The following GPC3 variants were observed in gnomAD, a reference collection of about 807,000 sequenced individuals.
The protein encoded by GPC3 is glypican 3, also known as glypican-3.
In GPC3, 3 loss-of-function variants were observed where a neutral mutation model predicts 34.4. That is an observed-to-expected ratio of 0.09 (90% CI 0.04 to 0.23). The LOEUF is 0.23. GPC3 is among the 10% of genes least tolerant of loss of function. GPC3 has a pLI of 1.00. For synonymous variants in GPC3, 177 were observed against 174.0 expected, an observed-to-expected ratio of 1.02 and a Z score of -0.13; for missense variants, 351 against 445.6, an observed-to-expected ratio of 0.79 and a Z score of 1.91.
chrX:133,666,861 T>G (rs1477433466), intron 5 of GPC3, among the ~76,000 whole-genome samples: 5 of 112,246 alleles, frequency 4.5e-5, no homozygotes. Flanking sequence ...AGAAAAATTT[T>G]AGATGGATAT....
intron 2 of GPC3, among the ~76,000 whole-genome samples, chrX:133,857,553 T>C (rs1474060787): frequency 9.0e-6 from 1 of 111,535 alleles, no homozygotes; most frequent in African/African-American, 3.3e-5. Flanking sequence ...CACCAACACA[T>C]AGTATGATTT....
chrX:133,762,025 T>C (rs2071797119), intron 2 of GPC3, among the ~76,000 whole-genome samples: 1 of 112,109 alleles, frequency 8.9e-6, no homozygotes. Flanking sequence ...ACATTTATTA[T>C]GCACATATTT....
In GPC3 at chrX:133,840,867, C is replaced by T. The variant is rs150155368; in HGVS notation, c.338-86691G>A. Among the ~76,000 whole-genome samples, 483 of 110,794 alleles carry T rather than the reference C, an allele frequency of 4.4e-3. 3 individuals carry two copies. The highest frequency in any genetic ancestry group is 0.015 in the African/African-American group (472 of 30,497). ...TCCATCCTGATAATACCTAGGATTA[C>T]GAATCCCTTATGGCAGTATTGGGCA... On this transcript the variant is annotated intron_variant, in intron 2 of 7. Transcript: ENST00000370818.
chrX:133,630,383 TAGCA>T (rs1216114766), intron 6 of GPC3, among the ~76,000 whole-genome samples: 15 of 111,852 alleles, frequency 1.3e-4, no homozygotes, highest in Non-Finnish European at 7.5e-5. Context: ...TTAAATCTAC[TAGCA>T]AACTCTCGTT....
intron 2 of GPC3, among the ~76,000 whole-genome samples, chrX:133,913,074 T>C (rs1249894125): frequency 1.1e-5 from 1 of 95,218 alleles, no homozygotes; most frequent in Non-Finnish European, 2.1e-5. Flanking sequence ...AAAAAAAAAA[T>C]AGGACTAGGC....
chrX:133,682,489 G>A (rs779593567), intron 5 of GPC3, among the ~76,000 whole-genome samples: 2 of 111,463 alleles, frequency 1.8e-5, no homozygotes, highest in African/African-American at 6.5e-5. Context: ...CTCAACCATG[G>A]TATAATAGTA....
chrX:133,913,756 G>A (rs1475334837), intron 2 of GPC3, among the ~76,000 whole-genome samples: 1 of 111,143 alleles, frequency 9.0e-6, no homozygotes, highest in Admixed American at 9.6e-5. Context: ...CTATTCTAGG[G>A]ACTGAAGAGA....
intron 7 of GPC3, 162 bp downstream of exon 7, chrX:133,596,278 A>T (rs1178170025): frequency 4.0e-6 from 2 of 502,023 alleles, no homozygotes; most frequent in East Asian, 7.2e-5. Flanking sequence ...AGGCTACCTG[A>T]GAACTTCACT....
intron 4 of GPC3, among the ~76,000 whole-genome samples, chrX:133,693,154 CAA>C (rs1421292106): frequency 2.8e-4 from 23 of 82,163 alleles, no homozygotes; most frequent in Non-Finnish European, 4.7e-4. Flanking sequence ...TATAATAAGA[CAA>C]GTGTGTGTGT....
intron 2 of GPC3, among the ~76,000 whole-genome samples, chrX:133,906,455 T>A (rs1394767623): frequency 8.9e-6 from 1 of 112,187 alleles, no homozygotes; most frequent in East Asian, 2.8e-4. Context: ...ATGTCCAGAG[T>A]CACAGGTTAG....
intron 5 of GPC3, among the ~76,000 whole-genome samples, chrX:133,667,171 T>C (rs1261760684): frequency 8.9e-6 from 1 of 112,332 alleles, no homozygotes. Flanking sequence ...AACCTATTCA[T>C]CACCTCACAT....
At chrX:133,787,602 G>C (rs760028513) in intron 2 of GPC3, among the ~76,000 whole-genome samples, 1 of 111,819 alleles carries the variant, frequency 8.9e-6, no homozygotes, top group South Asian at 3.8e-4. Context: ...GCCCCAGGCT[G>C]TTACCAAGTA....
chrX:133,821,201 G>A (rs1352134210), intron 2 of GPC3, among the ~76,000 whole-genome samples: 1 of 112,091 alleles, frequency 8.9e-6, no homozygotes, highest in Non-Finnish European at 1.9e-5. Context: ...TGTTTTGGAA[G>A]CATAAATGTA....
chrX:133,659,439 G>T lies in GPC3; in HGVS notation c.1413+2291C>A, dbSNP rs1009571564. ...TCTTATGACTGCCCCTCCCTTGCTT[G>T]TCTTTACCTACTCAAACCCTACTCA... On this transcript the variant is annotated intron_variant, in intron 6 of 7. Transcript: ENST00000370818. Among the ~76,000 whole-genome samples the T allele has an allele frequency of 2.7e-5, 3 of 111,577 alleles. No homozygotes were observed. The Admixed American group carries it at 2.9e-4, about 11-fold the overall frequency.
intron 2 of GPC3, among the ~76,000 whole-genome samples, chrX:133,775,992 C>G (rs1472695992): frequency 9.0e-6 from 1 of 111,538 alleles, no homozygotes; most frequent in Non-Finnish European, 1.9e-5. Context: ...AAAGGAAAAA[C>G]TGTGGTGTGC....
At chrX:133,675,155 CTG>C (rs897654419) in intron 5 of GPC3, among the ~76,000 whole-genome samples, 7 of 112,069 alleles carry the variant, frequency 6.2e-5, no homozygotes, top group Non-Finnish European at 1.1e-4. Flanking sequence ...AAAGAACAAA[CTG>C]TTTTCATGCA....
At chrX:133,627,260 A>C (rs912535723) in intron 6 of GPC3, among the ~76,000 whole-genome samples, 1 of 109,341 alleles carries the variant, frequency 9.1e-6, no homozygotes, top group Non-Finnish European at 1.9e-5. Flanking sequence ...ACATGTATAC[A>C]TATGTAACAA....
chrX:133,821,821 A>G (rs1480574598), intron 2 of GPC3, among the ~76,000 whole-genome samples: 1 of 112,196 alleles, frequency 8.9e-6, no homozygotes, highest in Non-Finnish European at 1.9e-5. Flanking sequence ...TATTACAAAT[A>G]AAGTATTAAT....
At chrX:133,582,476 T>A (rs1160140643) in intron 7 of GPC3, among the ~76,000 whole-genome samples, 1 of 111,734 alleles carries the variant, frequency 8.9e-6, no homozygotes, top group Non-Finnish European at 1.9e-5. Context: ...CCCTACTCAA[T>A]GTGTGGGCTA....
Sources: gnomAD v4.1 joint callset for allele counts (sites outside exome capture counted in the v4.1 genomes callset) on GRCh38, gnomAD v4.1.1 for gene constraint, MANE v1.5 for transcripts, NCBI Gene and HGNC (gene_info 2026-07-23, HGNC 2026-07-21) for gene names.